The following GRK5 variants were observed in gnomAD, a reference collection of about 807,000 sequenced individuals.
GRK5 encodes G protein-coupled receptor kinase 5, also known as g protein-coupled receptor kinase GRK5.
GRK5 carries 40 observed loss-of-function variants against 78.4 expected under a neutral mutation model. That is an observed-to-expected ratio of 0.51 (90% CI 0.40 to 0.66). GRK5 has a LOEUF of 0.66. Ranked by LOEUF, GRK5 falls within the 30% of genes least tolerant of loss-of-function variation. The probability of loss-of-function intolerance (pLI) is 0.00; values close to 1 mark genes in which losing one functional copy is unlikely to be tolerated. For missense variants in GRK5, 598 were observed against 759.9 expected (o/e 0.79, Z 2.50); for synonymous variants, 289 against 296.8 (o/e 0.97, Z 0.27).
At position 119,217,811 on chromosome 10, in the gene GRK5, G is replaced by A. The variant is rs906072111; in HGVS notation, c.52+9842G>A. Among the ~76,000 whole-genome samples, 2 of 152,170 alleles carry A rather than the reference G, an allele frequency of 1.3e-5. No individual in the cohort carries two copies. The highest frequency in any genetic ancestry group is 2.9e-5 in the Non-Finnish European group (2 of 68,032). On this transcript the variant is annotated intron_variant, in intron 1 of 15. Transcript: ENST00000392870. This position sits in a 1 kb window ranked among gnomAD's most constrained non-coding sequence, Gnocchi z 4.1. ...GCTTACTGCTCCTTAGGAGGTTCTC[G>A]CCCTCAGTTACCTCTGCCTGACAGT...
intron 1 of GRK5, among the ~76,000 whole-genome samples, chr10:119,315,095 G>A (rs996420092): frequency 6.6e-6 from 1 of 152,208 alleles, no homozygotes; most frequent in Non-Finnish European, 1.5e-5. Flanking sequence ...CCCTGTCCTG[G>A]TGTAACCCTC....
At chr10:119,268,779 G>A (rs1166189811) in intron 1 of GRK5, among the ~76,000 whole-genome samples, 1 of 152,240 alleles carries the variant, frequency 6.6e-6, no homozygotes, top group Non-Finnish European at 1.5e-5. Context: ...GTAATGAATA[G>A]GGTTGGACTG....
At chr10:119,270,198 C>T (rs754611645) in intron 1 of GRK5, among the ~76,000 whole-genome samples, 4 of 152,368 alleles carry the variant, frequency 2.6e-5, no homozygotes, top group Non-Finnish European at 5.9e-5. Flanking sequence ...TCACAGTCCT[C>T]TGTTCATCTC....
chr10:119,333,843 A>T (rs572032441), intron 2 of GRK5: 1 of 532,708 alleles, frequency 1.9e-6, no homozygotes, highest in Admixed American at 1.9e-5. Flanking sequence ...TTAAGATGAG[A>T]TGACAAATCA....
At chr10:119,285,171 C>T (rs972162477) in intron 1 of GRK5, among the ~76,000 whole-genome samples, 6 of 152,150 alleles carry the variant, frequency 3.9e-5, no homozygotes, top group Non-Finnish European at 8.8e-5. Flanking sequence ...CATCTCTAAG[C>T]GCACCTCAGG....
chr10:119,423,299 C>T (rs747564717), intron 5 of GRK5, 33 bp downstream of exon 5: 25 of 1,492,866 alleles, frequency 1.7e-5, no homozygotes, highest in Middle Eastern at 1.7e-4. Flanking sequence ...CTGTCCTCCC[C>T]GGGCTGCCCA....
intron 1 of GRK5, among the ~76,000 whole-genome samples, chr10:119,209,514 T>TTTC (rs1491490932): frequency 4.5e-4 from 50 of 112,178 alleles, no homozygotes; most frequent in African/African-American, 1.8e-3. Context: ...TTTTTTTTTT[T>TTTC]CCTAACCTGA....
chr10:119,440,064 C>T (rs1182735160), intron 10 of GRK5, among the ~76,000 whole-genome samples: 2 of 152,168 alleles, frequency 1.3e-5, no homozygotes, highest in African/African-American at 4.8e-5. Flanking sequence ...GTGCACTGAA[C>T]AAGGAGTCCA....
intron 1 of GRK5, among the ~76,000 whole-genome samples, chr10:119,282,567 C>T (rs116067859): frequency 1.3e-5 from 2 of 152,340 alleles, no homozygotes; most frequent in African/African-American, 4.8e-5. Flanking sequence ...TGTGCTGCGG[C>T]CCTGGATGGG....
chr10:119,279,336 G>A (rs914600269), intron 1 of GRK5, among the ~76,000 whole-genome samples: 1 of 152,216 alleles, frequency 6.6e-6, no homozygotes, highest in Non-Finnish European at 1.5e-5. Context: ...CTTCAACACA[G>A]GAATTTGGGG....
At chr10:119,427,090 C>T (rs1374468258) in intron 6 of GRK5, among the ~76,000 whole-genome samples, 8 of 152,136 alleles carry the variant, frequency 5.3e-5, no homozygotes, top group East Asian at 1.9e-4. Flanking sequence ...TCAGCATCAC[C>T]GCCATCATCA....
chr10:119,214,769 C>G (rs1385017233), intron 1 of GRK5, among the ~76,000 whole-genome samples: 1 of 152,224 alleles, frequency 6.6e-6, no homozygotes, highest in Admixed American at 6.5e-5. Flanking sequence ...AATCCATCCA[C>G]CTTGGCCTCC....
rs550303869 is a variant in GRK5, at chr10:119,253,651, C to G, written c.52+45682C>G. On this transcript the variant is annotated intron_variant, in intron 1 of 15. Coordinates refer to ENST00000392870, the MANE Select transcript of GRK5 (RefSeq NM_005308.3). The surrounding 1 kb of genome is among the most constrained non-coding windows in gnomAD (Gnocchi z 5.7). ...ATAAAAATGGTGTGAGTGGCCAGCT[C>G]TTTTTTCACTGTGGCTCTGGGCAGC... is the stretch of plus-strand genomic sequence containing the variant. Among the ~76,000 whole-genome samples the G allele has an allele frequency of 1.3e-5, 2 of 152,312 alleles. No homozygotes were observed. Among genetic ancestry groups the G allele is most frequent in the South Asian group, 4.1e-4 (2 of 4,824 alleles).
chr10:119,256,547 C>T (rs1052487567), intron 1 of GRK5, among the ~76,000 whole-genome samples: 1 of 152,148 alleles, frequency 6.6e-6, no homozygotes, highest in Admixed American at 6.5e-5. Context: ...TCTCTGGGTA[C>T]ATGGAGTGGG....
intron 1 of GRK5, among the ~76,000 whole-genome samples, chr10:119,315,158 C>A (rs1399908838): frequency 6.6e-6 from 1 of 152,182 alleles, no homozygotes; most frequent in Non-Finnish European, 1.5e-5. Context: ...TTCTCCTACC[C>A]CCGCCCCATA....
chr10:119,273,865 C>G (rs762664436), intron 1 of GRK5, among the ~76,000 whole-genome samples: 7 of 152,120 alleles, frequency 4.6e-5, no homozygotes, highest in Non-Finnish European at 8.8e-5. Context: ...CCTCCATCTC[C>G]TGGGTTCAAA....
chr10:119,283,635 A>T (rs1025477760), intron 1 of GRK5, among the ~76,000 whole-genome samples: 1 of 152,212 alleles, frequency 6.6e-6, no homozygotes, highest in Non-Finnish European at 1.5e-5. Context: ...GCTAGCTCAG[A>T]CACCTGCCCT....
At chr10:119,394,246 GT>G (rs1851959774) in intron 3 of GRK5, among the ~76,000 whole-genome samples, 1 of 988 alleles carries the variant, frequency 1.0e-3, no homozygotes, top group African/African-American at 5.2e-3. Flanking sequence ...GTGGGTGTCT[GT>G]GTGTGGATGT....
chr10:119,430,945 G>A lies in GRK5; in HGVS notation c.598-442G>A, dbSNP rs1383273215. 6.6e-6 allele frequency among the ~76,000 whole-genome samples: 1 copy of A among 152,196 alleles called. No individual in the cohort carries two copies. Among genetic ancestry groups the A allele is most frequent in the Admixed American group, 6.5e-5 (1 of 15,282 alleles). On this transcript the variant is annotated intron_variant, in intron 7 of 15. Coordinates refer to ENST00000392870, the MANE Select transcript of GRK5 (RefSeq NM_005308.3). This position sits in a 1 kb window ranked among gnomAD's most constrained non-coding sequence, Gnocchi z 4.5. ...GGGCGCGCAGACAATGTGAGGCAGA[G>A]CTAAGACTTAAGCCCAAATGCTTTG...
Sources: gnomAD v4.1 joint callset for allele counts (sites outside exome capture counted in the v4.1 genomes callset) on GRCh38, gnomAD v4.1.1 for gene constraint, Gnocchi (gnomAD v3.1) non-coding constraint, MANE v1.5 for transcripts, NCBI Gene and HGNC (gene_info 2026-07-23, HGNC 2026-07-21) for gene names.